STXBP5: variants seen among roughly 807,000 people sequenced by gnomAD.
The protein encoded by STXBP5 is syntaxin-binding protein 5.
Under a neutral mutation model 152.4 loss-of-function variants are expected in STXBP5, and 50 were observed. That is an observed-to-expected ratio of 0.33 (90% CI 0.26 to 0.42). The LOEUF (loss-of-function observed/expected upper bound fraction) is 0.42. Ranked by LOEUF, STXBP5 falls within the 10% of genes least tolerant of loss-of-function variation. STXBP5 has a pLI of 1.00. For synonymous variants in STXBP5, 492 were observed against 494.7 expected, an observed-to-expected ratio of 0.99 and a Z score of 0.07; for missense variants, 1,167 against 1,388.6, an observed-to-expected ratio of 0.84 and a Z score of 2.54.
chr6:147,242,835 C>T (rs1778616500), intron 4 of STXBP5, among the ~76,000 whole-genome samples: 1 of 152,134 alleles, frequency 6.6e-6, no homozygotes, highest in South Asian at 2.1e-4. Flanking sequence ...GTAAGTGACA[C>T]ATGACTGTCA....
chr6:147,335,367 A>G (rs1017774195), intron 19 of STXBP5, among the ~76,000 whole-genome samples: 1 of 152,178 alleles, frequency 6.6e-6, no homozygotes. Context: ...ACATAAAATA[A>G]TGTTCTGACT....
chr6:147,365,640 GACT>G (rs145151952), intron 25 of STXBP5, among the ~76,000 whole-genome samples: 271 of 152,180 alleles, frequency 1.8e-3, no homozygotes, highest in African/African-American at 6.4e-3. Flanking sequence ...ACAAAAAATG[GACT>G]ATCTTAAAGG....
intron 4 of STXBP5, among the ~76,000 whole-genome samples, chr6:147,252,543 A>G (rs1779150125): frequency 6.6e-6 from 1 of 152,080 alleles, no homozygotes. Flanking sequence ...ATGACAAGGA[A>G]TGAACAAAGC....
intron 18 of STXBP5, among the ~76,000 whole-genome samples, chr6:147,331,803 G>GT (rs143674795): frequency 1.1e-5 from 1 of 89,816 alleles, no homozygotes; most frequent in East Asian, 2.8e-4. Flanking sequence ...TTTTCTACCA[G>GT]TTAAAAAAAA....
intron 8 of STXBP5, among the ~76,000 whole-genome samples, chr6:147,281,629 A>G (rs1780706191): frequency 6.6e-6 from 1 of 152,160 alleles, no homozygotes; most frequent in Non-Finnish European, 1.5e-5. Context: ...ATTTAAGTTC[A>G]TCTAATGGTT....
intron 21 of STXBP5, among the ~76,000 whole-genome samples, chr6:147,349,085 A>T (rs530268117): frequency 6.6e-6 from 1 of 152,318 alleles, no homozygotes; most frequent in South Asian, 2.1e-4. Context: ...AAGATACAGT[A>T]AGAGAATATA....
chr6:147,286,699 T>C (rs1255904452), intron 8 of STXBP5, among the ~76,000 whole-genome samples: 1 of 152,128 alleles, frequency 6.6e-6, no homozygotes, highest in African/African-American at 2.4e-5. Context: ...GGAAGAACTT[T>C]CCAAGCGTAA....
chr6:147,325,534 T>G (rs1488766615), intron 17 of STXBP5, among the ~76,000 whole-genome samples: 1 of 152,232 alleles, frequency 6.6e-6, no homozygotes, highest in African/African-American at 2.4e-5. Context: ...TGACAATAAT[T>G]AATATTCATT....
At chr6:147,260,288 G>T (rs1779580523) in intron 4 of STXBP5, among the ~76,000 whole-genome samples, 1 of 152,162 alleles carries the variant, frequency 6.6e-6, no homozygotes, top group Non-Finnish European at 1.5e-5. Context: ...TGATGTAGAT[G>T]TTGAAATCAT....
chr6:147,238,012 T>G (rs1017668861), intron 3 of STXBP5, among the ~76,000 whole-genome samples: 7 of 152,238 alleles, frequency 4.6e-5, no homozygotes, highest in African/African-American at 1.7e-4. Flanking sequence ...TATTCACAAT[T>G]ATCACATTGC....
chr6:147,359,001 T>C, intron 22 of STXBP5, 83 bp from the exon 23 acceptor site: 2 of 1,495,194 alleles, frequency 1.3e-6, no homozygotes, highest in Non-Finnish European at 1.8e-6. Flanking sequence ...AGATTAACTA[T>C]TTGACCAAAT....
chr6:147,323,502 C>T (rs909178377), intron 16 of STXBP5, among the ~76,000 whole-genome samples: 1 of 152,064 alleles, frequency 6.6e-6, no homozygotes, highest in Non-Finnish European at 1.5e-5. Context: ...GGCGATTCTC[C>T]TGCCTCAGCC....
chr6:147,283,702 A>G (rs897908937), intron 8 of STXBP5, among the ~76,000 whole-genome samples: 2 of 152,192 alleles, frequency 1.3e-5, no homozygotes, highest in African/African-American at 4.8e-5. Flanking sequence ...ACCTGCAGCA[A>G]AACTATACAC....
At chr6:147,319,601 C>T (rs925845663) in intron 16 of STXBP5, among the ~76,000 whole-genome samples, 3 of 151,876 alleles carry the variant, frequency 2.0e-5, no homozygotes, top group Admixed American at 2.0e-4. Flanking sequence ...TTCATTTTAT[C>T]TTGAGACTTA....
intron 7 of STXBP5, among the ~76,000 whole-genome samples, chr6:147,267,864 C>T (rs1206699699): frequency 6.6e-6 from 1 of 151,958 alleles, no homozygotes; most frequent in Non-Finnish European, 1.5e-5. Flanking sequence ...TGGTTGAGGC[C>T]GAGATCTGTT....
intron 6 of STXBP5, among the ~76,000 whole-genome samples, chr6:147,264,915 C>T (rs576625116): frequency 2.6e-5 from 4 of 151,264 alleles, no homozygotes; most frequent in Non-Finnish European, 5.9e-5. Context: ...TAAAGTTTAA[C>T]CCTCTTAAGT....
chr6:147,298,173 G>A (rs1035811536), intron 9 of STXBP5, among the ~76,000 whole-genome samples: 4 of 151,980 alleles, frequency 2.6e-5, no homozygotes, highest in Admixed American at 6.5e-5. Context: ...CATGCAAACC[G>A]AAACCAAAAA....
At chr6:147,214,703 T>C (rs73788820) in intron 2 of STXBP5, among the ~76,000 whole-genome samples, 2,462 of 152,312 alleles carry the variant, frequency 0.016, 60 homozygotes, top group African/African-American at 0.055. Flanking sequence ...TGTCTAAAAA[T>C]AGACCTTTTG....
chr6:147,364,053 A>T lies in STXBP5; in HGVS notation c.2968A>T (p.Met990Leu), dbSNP rs1355296162. 6.2e-7 allele frequency: 1 copy of T among 1,614,038 alleles called. No homozygotes were observed. The highest frequency in any genetic ancestry group is 8.5e-7 in the Non-Finnish European group (1 of 1,179,986). Residue 990 changes from methionine to leucine, a missense_variant, in exon 25 of 28, where the codon ATG becomes TTG. Physicochemically the swap from Met to Leu is conservative, Grantham distance 15. Around this residue, in one of 3 missense-constraint regions of STXBP5, gnomAD observed 833 missense variants for 986.3 expected, o/e 0.84. Transcript: ENST00000321680. Reference sequence around the variant, plus strand: ...TGTGTATTACTTGCCCCTTACCAATATGCGGATAGCCAGAACGTTCTGCTT... The same window carrying T: ...TGTGTATTACTTGCCCCTTACCAATTTGCGGATAGCCAGAACGTTCTGCTT... ...LDVYYLPLTN[M>L]RIARTFCFTN... is the part of the protein sequence containing the mutation.
Sources: allele counts gnomAD v4.1 joint callset (sites outside exome capture counted in the v4.1 genomes callset), GRCh38; gene constraint gnomAD v4.1.1; regional missense constraint gnomAD v4.1.1; transcripts MANE v1.5; gene names NCBI Gene and HGNC (gene_info 2026-07-23, HGNC 2026-07-21).